The following TENM4 variants were observed in gnomAD, a reference collection of about 807,000 sequenced individuals.
TENM4 encodes the protein teneurin-4.
Under a neutral mutation model 243.3 loss-of-function variants are expected in TENM4, and 82 were observed. That is an observed-to-expected ratio of 0.34 (90% confidence interval 0.28 to 0.40). TENM4 has a LOEUF of 0.40. Ranked by LOEUF, TENM4 falls within the 10% of genes least tolerant of loss-of-function variation. The pLI is 1.00. For synonymous variants in TENM4, 1,412 were observed against 1,456.3 expected (o/e 0.97, Z 0.69); for missense variants, 3,138 against 3,673.3 (o/e 0.85, Z 3.77).
chr11:79,415,819 C>T (rs1404984520), intron 1 of TENM4, among the ~76,000 whole-genome samples: 1 of 152,104 alleles, frequency 6.6e-6, no homozygotes, highest in Admixed American at 6.5e-5. Flanking sequence ...ACTGTGAAAA[C>T]ACCACTACAA....
intron 1 of TENM4, among the ~76,000 whole-genome samples, chr11:79,424,194 G>A (rs560450621): frequency 5.9e-5 from 9 of 152,128 alleles, no homozygotes; most frequent in African/African-American, 2.2e-4. Context: ...AACATTTTTG[G>A]TTGTCACAAT....
chr11:79,307,855 A>G (rs533999183), intron 1 of TENM4, among the ~76,000 whole-genome samples: 94 of 152,290 alleles, frequency 6.2e-4, no homozygotes, highest in African/African-American at 2.2e-3. Flanking sequence ...AGACCTAGAG[A>G]TCTGAGCAGC....
chr11:79,384,937 TTAAAATAAAATAAAA>T (rs58915516), intron 1 of TENM4, among the ~76,000 whole-genome samples: 5 of 114,408 alleles, frequency 4.4e-5, no homozygotes, highest in Non-Finnish European at 7.1e-5. Flanking sequence ...AAAAATAAAA[TTAAAATAAAATAAAA>T]TAAAATAAAA....
At chr11:78,715,732 C>T (rs1414239974) in intron 25 of TENM4, among the ~76,000 whole-genome samples, 1 of 152,190 alleles carries the variant, frequency 6.6e-6, no homozygotes, top group Non-Finnish European at 1.5e-5. Flanking sequence ...TAAGTCCCTG[C>T]TCGGCTAGGC....
chr11:78,805,282 C>CCCCCCCCCCCCCCCCCCCCCCAAGA lies in TENM4; in HGVS notation c.2179+9_2179+10insTCTTGGGGGGGGGGGGGGGGGGGGG. 1 of 995,568 alleles carries CCCCCCCCCCCCCCCCCCCCCCAAGA rather than the reference C, an allele frequency of 1.0e-6. No individual in the cohort carries two copies. The highest frequency in any genetic ancestry group is 1.2e-6 in the Non-Finnish European group (1 of 823,790). The allele number at this position is 995,568 out of a possible 1,614,324, so 61.7% of individuals were successfully genotyped here. On this transcript the variant is annotated intron_variant, in intron 15 of 33. Transcript: ENST00000278550. The stretch of plus-strand genomic sequence containing the variant: ...CCCTCTACCCATGCTTCTTCTCCCC[C>CCCCCCCCCCCCCCCCCCCCCCAAGA]TGCATTTACCGATAGAACAGTCGTG...
At chr11:79,190,418 C>T (rs994099442) in intron 3 of TENM4, among the ~76,000 whole-genome samples, 3 of 152,186 alleles carry the variant, frequency 2.0e-5, no homozygotes, top group Non-Finnish European at 2.9e-5. Flanking sequence ...TTTCTTTTTC[C>T]TCTCTGCCCT....
intron 1 of TENM4, among the ~76,000 whole-genome samples, chr11:79,340,665 T>C (rs1023445546): frequency 2.0e-5 from 3 of 152,156 alleles, no homozygotes; most frequent in Non-Finnish European, 4.4e-5. Flanking sequence ...TCTCTATCCA[T>C]GGCAGGCTTT....
intron 1 of TENM4, among the ~76,000 whole-genome samples, chr11:79,407,544 A>C (rs1858598667): frequency 6.6e-6 from 1 of 152,260 alleles, no homozygotes; most frequent in South Asian, 2.1e-4. Flanking sequence ...CTTTCCCAAG[A>C]TCCTGCTGCT....
intron 2 of TENM4, among the ~76,000 whole-genome samples, chr11:79,277,054 T>C (rs1335795054): frequency 1.3e-5 from 2 of 152,176 alleles, no homozygotes; most frequent in East Asian, 1.9e-4. Flanking sequence ...TTGGCTGTGC[T>C]GGTGGGAATT....
chr11:79,271,857 A>C (rs1212041086), intron 2 of TENM4, among the ~76,000 whole-genome samples: 1 of 152,166 alleles, frequency 6.6e-6, no homozygotes, highest in African/African-American at 2.4e-5. Flanking sequence ...CTCCCACTCC[A>C]GGAAAGGAGA....
intron 6 of TENM4, among the ~76,000 whole-genome samples, chr11:78,991,081 G>A (rs1858031659): frequency 6.6e-6 from 1 of 152,140 alleles, no homozygotes; most frequent in Admixed American, 6.5e-5. Flanking sequence ...GGGTGTCTGC[G>A]TGTGTGCCTG....
At chr11:78,993,813 T>G (rs552010477) in intron 6 of TENM4, among the ~76,000 whole-genome samples, 1 of 152,356 alleles carries the variant, frequency 6.6e-6, no homozygotes, top group South Asian at 2.1e-4. Flanking sequence ...TTCAAAGTCC[T>G]TATTTGCTAA....
At chr11:78,931,614 T>C (rs1258029252) in intron 6 of TENM4, among the ~76,000 whole-genome samples, 1 of 152,162 alleles carries the variant, frequency 6.6e-6, no homozygotes, top group Non-Finnish European at 1.5e-5. Flanking sequence ...CAAAATCAAG[T>C]GAAGTAGGTG....
chr11:79,291,441 T>C (rs1298822220), intron 2 of TENM4, among the ~76,000 whole-genome samples: 3 of 152,100 alleles, frequency 2.0e-5, no homozygotes, highest in Non-Finnish European at 2.9e-5. Context: ...CCAAACAGCA[T>C]GGTCATGGGG....
chr11:79,037,385 G>A (rs1266484587), intron 6 of TENM4, among the ~76,000 whole-genome samples: 3 of 152,214 alleles, frequency 2.0e-5, no homozygotes, highest in South Asian at 2.1e-4. Context: ...GAGTTAATCC[G>A]ATGGCCAGAT....
At chr11:79,201,232 G>A (rs1863730902) in intron 3 of TENM4, among the ~76,000 whole-genome samples, 1 of 152,198 alleles carries the variant, frequency 6.6e-6, no homozygotes, top group African/African-American at 2.4e-5. Flanking sequence ...TCTAACAGTA[G>A]TGTTTCTAAC....
chr11:78,810,457 A>G (rs1381147406), intron 14 of TENM4, among the ~76,000 whole-genome samples: 2 of 152,172 alleles, frequency 1.3e-5, no homozygotes, highest in Non-Finnish European at 2.9e-5. Context: ...CAGTTTCAAG[A>G]GGAATCTCCT....
At chr11:79,371,238 G>A (rs1459420691) in intron 1 of TENM4, among the ~76,000 whole-genome samples, 7 of 152,150 alleles carry the variant, frequency 4.6e-5, no homozygotes, top group African/African-American at 1.7e-4. Flanking sequence ...AAAGCAATGT[G>A]GCACTACCTA....
chr11:78,713,472 G>A (rs141456955), intron 25 of TENM4, among the ~76,000 whole-genome samples: 91 of 152,328 alleles, frequency 6.0e-4, no homozygotes, highest in Admixed American at 2.1e-3. Context: ...GAGATGCCTT[G>A]GGGAGACAAA....
Sources: gnomAD v4.1 joint callset for allele counts (sites outside exome capture counted in the v4.1 genomes callset) on GRCh38, gnomAD v4.1.1 for gene constraint, MANE v1.5 for transcripts, NCBI Gene and HGNC (gene_info 2026-07-23, HGNC 2026-07-21) for gene names.